TG: variants seen among roughly 807,000 people sequenced by gnomAD.
TG encodes thyroid hormones.
TG carries 270 observed loss-of-function variants against 324.7 expected under a neutral mutation model. That is an observed-to-expected ratio of 0.83 (90% CI 0.75 to 0.92). TG has a LOEUF of 0.92. TG is among the 40% of genes least tolerant of loss of function. The pLI is 0.00. For missense variants in TG, 3,591 were observed against 3,456.4 expected (o/e 1.04, Z -0.98); for synonymous variants, 1,401 against 1,327.0 (o/e 1.06, Z -1.21).
chr8:133,098,541 A>G (rs142969981), intron 43 of TG, among the ~76,000 whole-genome samples: 49 of 152,312 alleles, frequency 3.2e-4, no homozygotes, highest in Admixed American at 1.8e-3. Flanking sequence ...TCTGTGCACA[A>G]GACACCATGT....
intron 43 of TG, among the ~76,000 whole-genome samples, chr8:133,112,664 G>A (rs1850356487): frequency 6.6e-6 from 1 of 152,092 alleles, no homozygotes; most frequent in African/African-American, 2.4e-5. Context: ...AATAGAAAAA[G>A]TTGCGCCCAT....
At chr8:133,106,396 A>G in intron 43 of TG, 2 of 985,354 alleles carry the variant, frequency 2.0e-6, no homozygotes, top group Non-Finnish European at 2.4e-6. Flanking sequence ...TCTGTGTTCC[A>G]TGCTCTCTGG....
At chr8:132,935,137 C>CTTTTTTT (rs34047530) in intron 24 of TG, among the ~76,000 whole-genome samples, 7 of 136,400 alleles carry the variant, frequency 5.1e-5, no homozygotes, top group Non-Finnish European at 6.4e-5. Flanking sequence ...CTGGCAAACT[C>CTTTTTTT]TTTTTTTTTT....
chr8:133,062,703 G>A (rs927626865), intron 41 of TG, among the ~76,000 whole-genome samples: 4 of 152,298 alleles, frequency 2.6e-5, no homozygotes, highest in Non-Finnish European at 4.4e-5. Context: ...CCTGTGACAC[G>A]CACAGGGTGT....
intron 30 of TG, among the ~76,000 whole-genome samples, chr8:132,967,028 TCCCATCCA>T (rs1226314496): frequency 0.012 from 1,771 of 142,176 alleles, 46 homozygotes; most frequent in African/African-American, 0.047. Flanking sequence ...CATCCTTCCA[TCCCATCCA>T]CCCATCCATC....
chr8:133,023,679 G>A (rs538746967), intron 40 of TG, among the ~76,000 whole-genome samples: 9 of 152,266 alleles, frequency 5.9e-5, no homozygotes, highest in South Asian at 2.1e-4. Context: ...ATCAGGACTC[G>A]CCCCAAGGAG....
chr8:132,911,649 A>G (rs1340343951), intron 19 of TG, 116 bp downstream of exon 19: 9 of 842,626 alleles, frequency 1.1e-5, no homozygotes, highest in Non-Finnish European at 1.8e-5. Context: ...TGTGAAGACT[A>G]TGGGGAGAGC....
intron 5 of TG, among the ~76,000 whole-genome samples, chr8:132,876,136 G>C (rs552652429): frequency 1.3e-5 from 2 of 152,240 alleles, no homozygotes; most frequent in South Asian, 4.1e-4. Context: ...GGTGAGGGGA[G>C]AGCAGAGTGA....
intron 41 of TG, chr8:133,047,631 G>T (rs140831136): frequency 9.3e-4 from 548 of 591,440 alleles, no homozygotes; most frequent in African/African-American, 9.2e-3. Context: ...TGCCCAGCCG[G>T]CTCCCCACTG....
chr8:133,111,385 C>G (rs1850236357), intron 43 of TG, among the ~76,000 whole-genome samples: 2 of 152,106 alleles, frequency 1.3e-5, no homozygotes, highest in African/African-American at 2.4e-5. Context: ...GATGCTTCCT[C>G]GAAACATATG....
At chr8:133,053,628 G>A (rs10099615) in intron 41 of TG, among the ~76,000 whole-genome samples, 39,930 of 152,020 alleles carry the variant, frequency 0.26, 5,367 homozygotes, top group Non-Finnish European at 0.27. Flanking sequence ...CTACAGAGGG[G>A]TTTGAGGTTT....
intron 34 of TG, among the ~76,000 whole-genome samples, chr8:132,973,733 G>A (rs886119502): frequency 3.3e-5 from 5 of 152,182 alleles, no homozygotes; most frequent in Admixed American, 6.5e-5. Flanking sequence ...TGTCCCAGAA[G>A]CAAATTCACA....
At chr8:132,922,838 G>T (rs1018506570) in intron 21 of TG, among the ~76,000 whole-genome samples, 3 of 152,172 alleles carry the variant, frequency 2.0e-5, no homozygotes, top group African/African-American at 7.2e-5. Context: ...TCATGATCTA[G>T]TCACCTCCCA....
At chr8:132,945,774 C>T (rs74984037) in intron 26 of TG, among the ~76,000 whole-genome samples, 3,742 of 152,054 alleles carry the variant, frequency 0.025, 152 homozygotes, top group African/African-American at 0.086. Context: ...TGGATCCTCG[C>T]GAAAGCTAGG....
chr8:132,983,006 A>C (rs1404147657), intron 34 of TG, among the ~76,000 whole-genome samples: 1 of 152,242 alleles, frequency 6.6e-6, no homozygotes, highest in Non-Finnish European at 1.5e-5. Flanking sequence ...AATCTGCTGC[A>C]TTCGCTTTGC....
intron 34 of TG, among the ~76,000 whole-genome samples, chr8:132,977,910 C>T (rs764827358): frequency 4.3e-4 from 66 of 152,180 alleles, no homozygotes; most frequent in Non-Finnish European, 7.9e-4. Flanking sequence ...ATGCCAAACA[C>T]CTTGGAAGCA....
intron 41 of TG, among the ~76,000 whole-genome samples, chr8:133,036,148 A>G (rs1454301956): frequency 1.3e-5 from 2 of 152,176 alleles, no homozygotes; most frequent in East Asian, 3.9e-4. Context: ...TTTGCTGCTC[A>G]TCTTTCAGGC....
At chr8:133,041,784 GTTTTTTT>G (rs529937626) in intron 41 of TG, among the ~76,000 whole-genome samples, 1 of 124,422 alleles carries the variant, frequency 8.0e-6, no homozygotes, top group Admixed American at 8.1e-5. Context: ...CTTGTGGTCA[GTTTTTTT>G]TTTTTTTTTT....
rs182623102 is a variant in TG at position 132,881,782 on chromosome 8, T to G, written c.639-81T>G. ...ACATTCCTTTTCACTAGGCGTGGAC[T>G]TGGCCACATTTATTTCTACAGGAAA... On this transcript the variant is annotated intron_variant, in intron 5 of 47. Transcript: ENST00000220616. 8 of 960,466 alleles carry G rather than the reference T, an allele frequency of 8.3e-6. No individual in the cohort carries two copies. In the Admixed American group the frequency reaches 1.2e-4, roughly 14 times the overall value. 59.5% of individuals were successfully genotyped at this position (960,466 alleles called of 1,614,324 possible).
Sources: gnomAD v4.1 joint callset for allele counts (sites outside exome capture counted in the v4.1 genomes callset) on GRCh38, gnomAD v4.1.1 for gene constraint, MANE v1.5 for transcripts, NCBI Gene and HGNC (gene_info 2026-07-23, HGNC 2026-07-21) for gene names.